PCDHGA3: variants seen among roughly 807,000 people sequenced by gnomAD.
PCDHGA3 encodes the protein protocadherin gamma subfamily A, 3.
PCDHGA3 carries 40 observed loss-of-function variants against 58.5 expected under a neutral mutation model. The observed-to-expected ratio is 0.68, with a 90% CI of 0.53 to 0.89. PCDHGA3 has a LOEUF of 0.89. Ranked by LOEUF, PCDHGA3 falls within the 40% of genes least tolerant of loss-of-function variation. PCDHGA3 has a pLI of 0.00. For synonymous variants in PCDHGA3, 530 were observed against 525.7 expected, an observed-to-expected ratio of 1.01 and a Z score of -0.11; for missense variants, 1,223 against 1,195.9, an observed-to-expected ratio of 1.02 and a Z score of -0.33.
chr5:141,371,502 A>G lies in PCDHGA3; in HGVS notation c.2424+25045A>G, dbSNP rs1767800690. 4 of 1,613,820 alleles carry G rather than the reference A, an allele frequency of 2.5e-6. No individual in the cohort carries two copies. In the African/African-American group the frequency reaches 4.0e-5, roughly 16 times the overall value. On this transcript the variant is annotated intron_variant, in intron 1 of 3. Transcript: ENST00000253812. ...GCTGGGGACTGCCGTTGCCCTGATC[A>G]AAACACATGATCTAGATTCTGGATT...
intron 1 of PCDHGA3, chr5:141,397,962 A>G (rs968992832): frequency 2.0e-5 from 21 of 1,036,912 alleles, no homozygotes; most frequent in Non-Finnish European, 2.8e-5. Flanking sequence ...CCCAGCTCAG[A>G]CTCCCCAGCG....
chr5:141,502,039 G>T (rs2099812498), intron 2 of PCDHGA3, among the ~76,000 whole-genome samples: 1 of 152,126 alleles, frequency 6.6e-6, no homozygotes, highest in South Asian at 2.1e-4. Context: ...CCGCTTGCCT[G>T]CTCTCCCTAC....
At chr5:141,501,628 C>T (rs1217355708) in intron 2 of PCDHGA3, among the ~76,000 whole-genome samples, 1 of 152,112 alleles carries the variant, frequency 6.6e-6, no homozygotes, top group Non-Finnish European at 1.5e-5. Flanking sequence ...TATAGTCTCT[C>T]AACCTCTCTG....
At chr5:141,346,827 A>AAACCTGTTTGTATACCTGTTTGT (rs1172569704) in intron 1 of PCDHGA3, among the ~76,000 whole-genome samples, 1 of 152,206 alleles carries the variant, frequency 6.6e-6, no homozygotes, top group African/African-American at 2.4e-5. Context: ...ACCTGTGATA[A>AAACCTGTTTGTATACCTGTTTGT]ATAGGCCTTT....
intron 1 of PCDHGA3, among the ~76,000 whole-genome samples, chr5:141,382,367 C>A (rs778668401): frequency 2.6e-5 from 4 of 151,894 alleles, no homozygotes; most frequent in Non-Finnish European, 5.9e-5. Context: ...TAAAATTTAC[C>A]TTTTTGCCTT....
chr5:141,394,358 T>C (rs535265859), intron 1 of PCDHGA3: 13 of 1,614,188 alleles, frequency 8.1e-6, no homozygotes, highest in Middle Eastern at 1.6e-4. Flanking sequence ...GTGTCCTGTA[T>C]GCGCTGCAAT....
chr5:141,376,197 T>G, intron 1 of PCDHGA3: 1 of 1,614,174 alleles, frequency 6.2e-7, no homozygotes, highest in Non-Finnish European at 8.5e-7. Flanking sequence ...TGCGTCTTCC[T>G]GGCCTTCGTC....
intron 1 of PCDHGA3, among the ~76,000 whole-genome samples, chr5:141,438,223 CA>C: frequency 6.6e-6 from 1 of 151,912 alleles, no homozygotes; most frequent in Non-Finnish European, 1.5e-5. Context: ...GGCTCTGGTT[CA>C]GGAAAATGTT....
At chr5:141,350,082 G>A (rs1433237276) in intron 1 of PCDHGA3, 1 of 441,424 alleles carries the variant, frequency 2.3e-6, no homozygotes, top group Non-Finnish European at 3.9e-6. Flanking sequence ...CAATTCTGCA[G>A]GAGCGTCAGG....
chr5:141,466,415 C>T (rs995296505), intron 1 of PCDHGA3, among the ~76,000 whole-genome samples: 6 of 152,136 alleles, frequency 3.9e-5, no homozygotes, highest in Non-Finnish European at 8.8e-5. Context: ...ATTTTTCAGT[C>T]AGAATTGTGT....
chr5:141,385,225 G>C, intron 1 of PCDHGA3: 1 of 1,614,232 alleles, frequency 6.2e-7, no homozygotes, highest in Non-Finnish European at 8.5e-7. Context: ...GCCCAACTAT[G>C]TAGACATGCT....
chr5:141,478,420 C>A, intron 1 of PCDHGA3: 1 of 1,613,676 alleles, frequency 6.2e-7, no homozygotes, highest in Non-Finnish European at 8.5e-7. Context: ...ACTCCCGCCG[C>A]AGCGACCCGC....
At chr5:141,414,421 A>G (rs1250470349) in intron 1 of PCDHGA3, 1 of 1,613,776 alleles carries the variant, frequency 6.2e-7, no homozygotes, top group African/African-American at 1.3e-5. Flanking sequence ...AGCCCTTGAC[A>G]GGGAACAGGT....
chr5:141,461,510 G>T (rs2099016853), intron 1 of PCDHGA3, among the ~76,000 whole-genome samples: 1 of 152,014 alleles, frequency 6.6e-6, no homozygotes, highest in Non-Finnish European at 1.5e-5. Context: ...TTGGTGATTT[G>T]TTAGTTCCTT....
intron 1 of PCDHGA3, chr5:141,404,892 A>G (rs2094580163): frequency 1.2e-6 from 2 of 1,613,880 alleles, no homozygotes; most frequent in African/African-American, 1.3e-5. Flanking sequence ...GTGGCTGTAC[A>G]GGACCATGGC....
intron 1 of PCDHGA3, chr5:141,399,489 A>G (rs764497801): frequency 2.5e-6 from 4 of 1,614,008 alleles, no homozygotes; most frequent in South Asian, 1.1e-5. Context: ...CGTCCTACTT[A>G]GTCAGTGTAC....
In PCDHGA3 at chr5:141,343,862, G is replaced by A; in HGVS notation, c.-172G>A. ...CTTGCTCCTAAAATGCAAAGAACCA[G>A]CAAATCAGACTCAGAAGATCCGGGG... On this transcript the variant is annotated 5_prime_UTR_variant, in exon 1 of 4. Coordinates refer to ENST00000253812, the MANE Select transcript of PCDHGA3 (RefSeq NM_018916.4). The A allele has an allele frequency of 1.8e-6, 1 of 563,896 alleles. No individual in the cohort carries two copies. 34.9% of individuals were successfully genotyped at this position (563,896 alleles called of 1,614,324 possible).
At chr5:141,356,643 T>G in intron 1 of PCDHGA3, 1 of 1,614,154 alleles carries the variant, frequency 6.2e-7, no homozygotes, top group Non-Finnish European at 8.5e-7. Context: ...ACCCTGACAG[T>G]GGTGACAATG....
At chr5:141,348,735 A>G (rs1486857754) in intron 1 of PCDHGA3, among the ~76,000 whole-genome samples, 1 of 152,224 alleles carries the variant, frequency 6.6e-6, no homozygotes, top group Non-Finnish European at 1.5e-5. Flanking sequence ...GGAGAAGTTC[A>G]TAGTAAAAGG....
Sources: gnomAD v4.1 joint callset for allele counts (sites outside exome capture counted in the v4.1 genomes callset) on GRCh38, gnomAD v4.1.1 for gene constraint, MANE v1.5 for transcripts, NCBI Gene and HGNC (gene_info 2026-07-23, HGNC 2026-07-21) for gene names.